Variants in TRIM2 observed in about 807,000 individuals in gnomAD.
TRIM2 encodes the protein tripartite motif containing 2, also known as tripartite motif-containing protein 2.
TRIM2 carries 20 observed loss-of-function variants against 75.2 expected under a neutral mutation model. That is an observed-to-expected ratio of 0.27 (90% confidence interval 0.19 to 0.39). TRIM2 has a LOEUF of 0.39. Among genes scored for constraint, TRIM2 ranks in the 10% least tolerant of loss-of-function variants. The pLI, the probability that TRIM2 is intolerant of heterozygous loss-of-function variation, is 1.00. For synonymous variants in TRIM2, 373 were observed against 388.3 expected (o/e 0.96, Z 0.46); for missense variants, 660 against 990.8 (o/e 0.67, Z 4.48).
intron 6 of TRIM2, among the ~76,000 whole-genome samples, chr4:153,315,029 A>G (rs1472332873): frequency 6.6e-6 from 1 of 152,148 alleles, no homozygotes; most frequent in Non-Finnish European, 1.5e-5. Context: ...ACACACCCCA[A>G]ATGCAAACCA....
At chr4:153,231,465 A>T (rs1743590216) in intron 1 of TRIM2, among the ~76,000 whole-genome samples, 1 of 152,198 alleles carries the variant, frequency 6.6e-6, no homozygotes, top group South Asian at 2.1e-4. Flanking sequence ...CACAATGGGC[A>T]TTGGGAACAA....
chr4:153,277,840 G>A (rs1421237215), intron 3 of TRIM2, among the ~76,000 whole-genome samples: 2 of 152,170 alleles, frequency 1.3e-5, no homozygotes, highest in African/African-American at 2.4e-5. Context: ...AAGGGAAATT[G>A]ATCATCTAAA....
chr4:153,291,327 AC>A (rs960103447), intron 3 of TRIM2, among the ~76,000 whole-genome samples: 1 of 152,154 alleles, frequency 6.6e-6, no homozygotes, highest in African/African-American at 2.4e-5. Flanking sequence ...TACACATGCC[AC>A]CCGAATCATG....
intron 1 of TRIM2, among the ~76,000 whole-genome samples, chr4:153,158,972 G>A (rs1729487498): frequency 6.6e-6 from 1 of 152,204 alleles, no homozygotes; most frequent in Non-Finnish European, 1.5e-5. Flanking sequence ...TCAAAGGTGT[G>A]TGACCTTGAG....
intron 6 of TRIM2, among the ~76,000 whole-genome samples, chr4:153,300,387 C>T (rs1462458137): frequency 6.6e-6 from 1 of 152,114 alleles, no homozygotes; most frequent in Non-Finnish European, 1.5e-5. Flanking sequence ...CCTCCAGATG[C>T]TCCCACTTCA....
In TRIM2 at chr4:153,283,311, C is replaced by G. The variant is rs192118003; in HGVS notation, c.453+7181C>G. The stretch of plus-strand genomic sequence containing the variant: ...GACATTTGATATAAATGGAATCATA[C>G]AATATGTGAGTTTTAGAGTCTGGCT... On this transcript the variant is annotated intron_variant, in intron 3 of 11. Transcript: ENST00000338700. Among the ~76,000 whole-genome samples the G allele has an allele frequency of 2.6e-5, 4 of 152,292 alleles. No individual in the cohort carries two copies. The East Asian group carries it at 7.7e-4, about 29-fold the overall frequency.
chr4:153,170,393 G>A (rs188480195), intron 1 of TRIM2, among the ~76,000 whole-genome samples: 10 of 152,182 alleles, frequency 6.6e-5, no homozygotes, highest in Admixed American at 6.5e-5. Flanking sequence ...ATGTTTAACC[G>A]GACCCCAGCC....
At chr4:153,275,436 T>A (rs1174828351) in intron 2 of TRIM2, among the ~76,000 whole-genome samples, 1 of 152,234 alleles carries the variant, frequency 6.6e-6, no homozygotes, top group Non-Finnish European at 1.5e-5. Context: ...CTAACAAAAA[T>A]ATTTGATGTG....
At chr4:153,194,708 C>A (rs1230679784) in intron 1 of TRIM2, among the ~76,000 whole-genome samples, 2 of 152,238 alleles carry the variant, frequency 1.3e-5, no homozygotes, top group East Asian at 3.9e-4. Flanking sequence ...CAAAATGCAT[C>A]CAAATTTACA....
At chr4:153,178,386 C>T (rs970655098) in intron 1 of TRIM2, among the ~76,000 whole-genome samples, 5 of 152,264 alleles carry the variant, frequency 3.3e-5, no homozygotes, top group South Asian at 2.1e-4. Context: ...TAATCCCTCA[C>T]GTGGCTTTTG....
upstream of TRIM2, among the ~76,000 whole-genome samples, chr4:153,199,940 A>ATTT (rs34958420): frequency 3.8e-4 from 46 of 122,172 alleles, no homozygotes; most frequent in African/African-American, 6.8e-4. Context: ...TGGCCAGCTA[A>ATTT]TTTTTTTTTT....
At chr4:153,275,765 C>T in intron 2 of TRIM2, 128 bp from the exon 3 acceptor site, 1 of 800,274 alleles carries the variant, frequency 1.2e-6, no homozygotes, top group Non-Finnish European at 2.0e-6. Context: ...TATTATTTTC[C>T]TAGTAAAGGA....
intron 8 of TRIM2, among the ~76,000 whole-genome samples, chr4:153,316,483 A>T (rs55964100): frequency 0.63 from 95,678 of 152,006 alleles, 31,201 homozygotes; most frequent in African/African-American, 0.81. Context: ...AAAAGACTCA[A>T]ACACAAGAAA....
intron 1 of TRIM2, among the ~76,000 whole-genome samples, chr4:153,198,285 A>T (rs895010338): frequency 1.7e-4 from 26 of 152,264 alleles, no homozygotes; most frequent in African/African-American, 5.3e-4. Flanking sequence ...GAATTCCCGC[A>T]TGTTGTGGGA....
In TRIM2 at chr4:153,338,742, T is replaced by C; in HGVS notation, c.*3776T>C. ...GTGGAGAATGTATGAAAGCTATTAATATTCTAGAATAGATTAATAAATTGG... is the reference window on the plus strand; with the variant it reads ...GTGGAGAATGTATGAAAGCTATTAACATTCTAGAATAGATTAATAAATTGG... On this transcript the variant is annotated 3_prime_UTR_variant, in exon 12 of 12. Transcript: ENST00000338700. 2.0e-6 allele frequency: 2 copies of C among 985,810 alleles called. No homozygotes were observed. The highest frequency in any genetic ancestry group is 2.4e-6 in the Non-Finnish European group (2 of 829,886). The allele number at this position is 985,810 out of a possible 1,614,324, so 61.1% of individuals were successfully genotyped here.
At chr4:153,278,461 C>T (rs1160140821) in intron 3 of TRIM2, among the ~76,000 whole-genome samples, 2 of 152,140 alleles carry the variant, frequency 1.3e-5, no homozygotes, top group African/African-American at 4.8e-5. Flanking sequence ...CATGACAGCC[C>T]CTTCATATCC....
At chr4:153,209,354 G>A (rs1560818205) in intron 1 of TRIM2, among the ~76,000 whole-genome samples, 1 of 152,184 alleles carries the variant, frequency 6.6e-6, no homozygotes, top group Non-Finnish European at 1.5e-5. Flanking sequence ...AAAGATGGAA[G>A]ATGAATCAGA....
intron 1 of TRIM2, among the ~76,000 whole-genome samples, chr4:153,196,677 A>G (rs568945197): frequency 7.4e-4 from 112 of 152,166 alleles, no homozygotes; most frequent in African/African-American, 2.7e-3. Flanking sequence ...TTAATGGTAC[A>G]TTTTCTTCCA....
chr4:153,156,298 G>A (rs1044431665), intron 1 of TRIM2, among the ~76,000 whole-genome samples: 3 of 152,178 alleles, frequency 2.0e-5, no homozygotes, highest in African/African-American at 7.2e-5. Flanking sequence ...TTAAAGGCAT[G>A]TCATGTCTTC....
Sources: gnomAD v4.1 joint callset for allele counts (sites outside exome capture counted in the v4.1 genomes callset) on GRCh38, gnomAD v4.1.1 for gene constraint, MANE v1.5 for transcripts, NCBI Gene and HGNC (gene_info 2026-07-23, HGNC 2026-07-21) for gene names.